The following WDR59 variants were observed in gnomAD, a reference collection of about 807,000 sequenced individuals.
The protein encoded by WDR59 is GATOR2 complex protein WDR59.
Under a neutral mutation model 131.2 loss-of-function variants are expected in WDR59, and 100 were observed. The ratio of observed to expected loss-of-function variants is 0.76; its 90% CI spans 0.65 to 0.90. The LOEUF (loss-of-function observed/expected upper bound fraction) is 0.90, where lower values mean the gene tolerates loss of function less well. Among genes scored for constraint, WDR59 ranks in the 40% least tolerant of loss-of-function variants. The pLI is 0.00. For synonymous variants in WDR59, 601 were observed against 466.2 expected, an observed-to-expected ratio of 1.29 and a Z score of -3.72; for missense variants, 1,203 against 1,262.2, an observed-to-expected ratio of 0.95 and a Z score of 0.71.
intron 9 of WDR59, 55 bp downstream of exon 9, chr16:74,923,843 ATAAGAGAAAATGTCCCCGGGCTCCTTCT>A (rs1046770622): frequency 3.2e-6 from 4 of 1,245,438 alleles, no homozygotes; most frequent in Non-Finnish European, 4.5e-6. Context: ...CACAAAGAAA[ATAAGAGAAAATGTCCCCGGGCTCCTTCT>A]TTTTGGAACA....
chr16:74,982,913 T>C (rs2034484418), intron 1 of WDR59, among the ~76,000 whole-genome samples: 1 of 152,228 alleles, frequency 6.6e-6, no homozygotes, highest in African/African-American at 2.4e-5. Context: ...TTCATACTTA[T>C]CCAGATCTCC....
chr16:74,959,812 G>A (rs1271690002), intron 2 of WDR59, among the ~76,000 whole-genome samples: 60 of 141,614 alleles, frequency 4.2e-4, no homozygotes, highest in Middle Eastern at 3.7e-3. Flanking sequence ...CCTCCCCACC[G>A]CCCTCCAAAA....
At chr16:74,965,162 C>T (rs2033719481) in intron 2 of WDR59, among the ~76,000 whole-genome samples, 2 of 152,274 alleles carry the variant, frequency 1.3e-5, no homozygotes, top group South Asian at 2.1e-4. Context: ...GCCTCAGCTT[C>T]GCAAGTAGCT....
intron 17 of WDR59, among the ~76,000 whole-genome samples, chr16:74,908,511 G>T (rs1164495797): frequency 2.0e-5 from 3 of 152,212 alleles, no homozygotes; most frequent in Non-Finnish European, 4.4e-5. Flanking sequence ...GGTAATATTA[G>T]AAGTGGCATA....
intron 1 of WDR59, 30 bp downstream of exon 1, chr16:74,984,934 C>T: frequency 6.3e-7 from 1 of 1,599,444 alleles, no homozygotes; most frequent in Non-Finnish European, 8.5e-7. Context: ...GGACGCATGC[C>T]CAGAGGGCTC....
chr16:74,942,812 C>T lies in WDR59; in HGVS notation c.460G>A (p.Val154Ile). 1 of 1,613,168 alleles carries T rather than the reference C, an allele frequency of 6.2e-7. No individual in the cohort carries two copies. Among genetic ancestry groups the T allele is most frequent in the Non-Finnish European group, 8.5e-7 (1 of 1,179,716 alleles). Residue 154 changes from valine (V) to isoleucine (I), a missense_variant, in exon 7 of 26, where the codon GTC (valine) becomes ATC (isoleucine). By Grantham distance (29) the Val-to-Ile change is conservative. Transcript: ENST00000262144. Reference protein sequence around the residue: ...ALSAVAGASQVKWNKKNANCL... With the variant: ...ALSAVAGASQIKWNKKNANCL... Reference sequence around the variant, plus strand: ...TTAGCATTTTTTTTATTCCATTTGACCTGGGAGGCACCCGCTGCAAAGAAA... The same window carrying T: ...TTAGCATTTTTTTTATTCCATTTGATCTGGGAGGCACCCGCTGCAAAGAAA...
chr16:74,888,353 A>T (rs920632490), intron 21 of WDR59, 34 bp from the exon 22 acceptor site: 1 of 1,596,532 alleles, frequency 6.3e-7, no homozygotes, highest in Admixed American at 1.7e-5. Context: ...AAAACAAGTC[A>T]GGAGGAGGGA....
In WDR59 at chr16:74,916,890, G is replaced by A. The variant is rs187458446; in HGVS notation, c.967-631C>T. 3.3e-5 allele frequency among the ~76,000 whole-genome samples: 5 copies of A among 150,966 alleles called. No homozygotes were observed. In the East Asian group the frequency reaches 9.7e-4, roughly 29 times the overall value. ...AAAAAAACGAAAACCATAACCTCAA[G>A]GCATTTGGTGCAAATTGTACCTTTT... On this transcript the variant is annotated intron_variant, in intron 11 of 25. Coordinates refer to ENST00000262144, the MANE Select transcript of WDR59 (RefSeq NM_030581.4).
chr16:74,919,824 C>T (rs1250578660), intron 10 of WDR59, among the ~76,000 whole-genome samples: 1 of 152,156 alleles, frequency 6.6e-6, no homozygotes, highest in African/African-American at 2.4e-5. Flanking sequence ...AGAAATCCTT[C>T]CCCACAGTGA....
intron 18 of WDR59, among the ~76,000 whole-genome samples, chr16:74,895,559 G>A (rs969942817): frequency 2.0e-5 from 3 of 152,124 alleles, no homozygotes; most frequent in South Asian, 4.1e-4. Flanking sequence ...CACCACGCCC[G>A]GCCCCATTTG....
intron 16 of WDR59, 115 bp downstream of exon 16, chr16:74,909,386 T>A: frequency 7.5e-7 from 1 of 1,331,914 alleles, no homozygotes; most frequent in Non-Finnish European, 9.9e-7. Flanking sequence ...AAAGTCTCGT[T>A]TGAGTTCTCG....
At chr16:74,940,254 C>G in intron 7 of WDR59, among the ~76,000 whole-genome samples, 1 of 151,776 alleles carries the variant, frequency 6.6e-6, no homozygotes, top group Non-Finnish European at 1.5e-5. Flanking sequence ...TGGTGGGCAC[C>G]TGTAATCCCA....
At chr16:74,978,256 AGG>A (rs2145247212) in intron 1 of WDR59, among the ~76,000 whole-genome samples, 1 of 136,896 alleles carries the variant, frequency 7.3e-6, no homozygotes, top group South Asian at 2.4e-4. Context: ...CAGGAGGCAG[AGG>A]TTACGGTGAG....
At chr16:74,915,645 G>C in intron 13 of WDR59, 2 of 445,822 alleles carry the variant, frequency 4.5e-6, no homozygotes, top group Non-Finnish European at 7.9e-6. Context: ...CAAACTCCTG[G>C]CTTCCTGGTT....
intron 25 of WDR59, among the ~76,000 whole-genome samples, chr16:74,877,572 C>T (rs1035760465): frequency 5.3e-5 from 8 of 152,168 alleles, no homozygotes; most frequent in Admixed American, 5.2e-4. Context: ...GAAACGAAGT[C>T]TCGCTCTTGT....
chr16:74,897,751 G>A (rs1597663629), intron 18 of WDR59, among the ~76,000 whole-genome samples: 1 of 152,168 alleles, frequency 6.6e-6, no homozygotes, highest in Non-Finnish European at 1.5e-5. Flanking sequence ...AATCCAGCAA[G>A]AAATAACTGC....
At chr16:74,935,700 C>A (rs916098280) in intron 8 of WDR59, among the ~76,000 whole-genome samples, 2 of 152,086 alleles carry the variant, frequency 1.3e-5, no homozygotes, top group African/African-American at 4.8e-5. Flanking sequence ...AGTTTCTTCA[C>A]TTTTTATGAT....
intron 18 of WDR59, among the ~76,000 whole-genome samples, chr16:74,903,500 A>AC (rs1478638703): frequency 2.0e-5 from 3 of 151,878 alleles, no homozygotes; most frequent in African/African-American, 4.8e-5. Flanking sequence ...ATAAAAAAAA[A>AC]AACAAAAAAC....
At chr16:74,895,124 A>C (rs1366605488) in intron 18 of WDR59, among the ~76,000 whole-genome samples, 1 of 152,234 alleles carries the variant, frequency 6.6e-6, no homozygotes, top group African/African-American at 2.4e-5. Flanking sequence ...GTGTCTTGGA[A>C]CCTACTAAAT....
Sources: gnomAD v4.1 joint callset for allele counts (sites outside exome capture counted in the v4.1 genomes callset) on GRCh38, gnomAD v4.1.1 for gene constraint, MANE v1.5 for transcripts, NCBI Gene and HGNC (gene_info 2026-07-23, HGNC 2026-07-21) for gene names.